DDA1: variants seen among roughly 807,000 people sequenced by gnomAD.
The protein encoded by DDA1 is DET1 and DDB1 associated 1.
A neutral mutation model predicts 18.6 loss-of-function variants in DDA1; 3 were observed. The ratio of observed to expected loss-of-function variants is 0.16; its 90% CI spans 0.07 to 0.42. DDA1 has a LOEUF of 0.42. Ranked by LOEUF, DDA1 falls within the 10% of genes least tolerant of loss-of-function variation. DDA1 has a pLI of 0.99. For synonymous variants in DDA1, 52 were observed against 54.0 expected, an observed-to-expected ratio of 0.96 and a Z score of 0.17; for missense variants, 105 against 138.2, an observed-to-expected ratio of 0.76 and a Z score of 1.20.
chr19:17,312,850 G>A (rs1001888098), intron 1 of DDA1, among the ~76,000 whole-genome samples: 12 of 152,280 alleles, frequency 7.9e-5, no homozygotes, highest in Non-Finnish European at 1.6e-4. Context: ...AGGGTGGGAG[G>A]GGAGGCAGGT....
intron 1 of DDA1, among the ~76,000 whole-genome samples, chr19:17,312,401 G>A (rs2145672240): frequency 6.6e-6 from 1 of 152,264 alleles, no homozygotes; most frequent in South Asian, 2.1e-4. Context: ...GGCCAGGGAG[G>A]GTGTTGGAGC....
intron 1 of DDA1, 46 bp from the exon 2 acceptor site, chr19:17,313,977 C>A: frequency 6.6e-7 from 1 of 1,514,704 alleles, no homozygotes; most frequent in Non-Finnish European, 9.2e-7. Flanking sequence ...CAGGGATGAG[C>A]TGGCCCTTGC....
intron 1 of DDA1, chr19:17,310,345 T>A (rs138039430): frequency 6.6e-6 from 1 of 152,252 alleles, no homozygotes; most frequent in Non-Finnish European, 1.5e-5. Flanking sequence ...AGTGACGTTC[T>A]CTTCTAGCTG....
At position 17,314,317 on chromosome 19, in the gene DDA1, C is replaced by G; in HGVS notation, c.85-21C>G. On this transcript the variant is annotated intron_variant, in intron 2 of 4. Transcript: ENST00000359866. The surrounding 1 kb of genome is among the most constrained non-coding windows in gnomAD (Gnocchi z 4.6). The stretch of plus-strand genomic sequence containing the variant: ...AGGCCCATGCACTCTCCTAACCCAC[C>G]CCTTCTCAACCCTCCTGCAGAACCG... 6.2e-7 allele frequency: 1 copy of G among 1,614,190 alleles called. No individual in the cohort carries two copies. The highest frequency in any genetic ancestry group is 1.1e-5 in the South Asian group (1 of 91,078).
chr19:17,319,118 G>A (rs1367999837), intron 4 of DDA1, among the ~76,000 whole-genome samples: 1 of 152,188 alleles, frequency 6.6e-6, no homozygotes, highest in Admixed American at 6.5e-5. Flanking sequence ...AACCAGCCCT[G>A]TGTGGGTCAT....
chr19:17,322,725 C>T lies in DDA1; in HGVS notation c.*3069C>T, dbSNP rs144096287. On this transcript the variant is annotated 3_prime_UTR_variant, in exon 5 of 5. Transcript: ENST00000359866. Reference sequence around the variant, plus strand: ...ATCCCTGCTGCATCCCAATGCCACCCCGTGTCCTGGGGACACCCAAATGTG... The same window carrying T: ...ATCCCTGCTGCATCCCAATGCCACCTCGTGTCCTGGGGACACCCAAATGTG... The T allele has an allele frequency of 5.5e-4, 84 of 152,368 alleles. No individual in the cohort carries two copies. Among genetic ancestry groups the T allele is most frequent in the African/African-American group, 1.8e-3 (75 of 41,576 alleles). 9.4% of individuals were successfully genotyped at this position (152,368 alleles called of 1,614,324 possible).
At position 17,315,172 on chromosome 19, in the gene DDA1, T is replaced by TACACACACGTGTATAC. The variant is rs1454586336; in HGVS notation, c.137-755_137-740dup. ...ACACGTATATATACACACGTGTATA[T>TACACACACGTGTATAC]ACACACACGTGTATACACACACGTG... On this transcript the variant is annotated intron_variant, in intron 3 of 4. Coordinates refer to ENST00000359866, the MANE Select transcript of DDA1 (RefSeq NM_024050.6). 5.7e-5 allele frequency among the ~76,000 whole-genome samples: 3 copies of TACACACACGTGTATAC among 52,902 alleles called. 1 individual carries two copies. Among genetic ancestry groups the TACACACACGTGTATAC allele is most frequent in the African/African-American group, 3.9e-4 (3 of 7,760 alleles). 34.7% of individuals were successfully genotyped at this position (52,902 alleles called of 152,430 possible).
intron 4 of DDA1, among the ~76,000 whole-genome samples, chr19:17,319,185 G>A (rs1177962626): frequency 6.6e-6 from 1 of 152,168 alleles, no homozygotes; most frequent in African/African-American, 2.4e-5. Context: ...CACCAGGCAT[G>A]GGTCCAGAAA....
rs1467313134 is a variant in DDA1 at position 17,321,223 on chromosome 19, C to G, written c.*1567C>G. On this transcript the variant is annotated 3_prime_UTR_variant, in exon 5 of 5. Coordinates refer to ENST00000359866, the MANE Select transcript of DDA1 (RefSeq NM_024050.6). ...CTCAGCTCACTACAACCTCTGCCTC[C>G]CAGGTTCAAGTGATTCTCCTACCTC... 6.6e-6 allele frequency: 1 copy of G among 151,988 alleles called. No homozygotes were observed. The highest frequency in any genetic ancestry group is 1.5e-5 in the Non-Finnish European group (1 of 68,044). 9.4% of individuals were successfully genotyped at this position (151,988 alleles called of 1,614,324 possible). A position where few individuals can be genotyped will look rare whatever the true frequency, so the allele number is the denominator to read the frequency against.
In DDA1 at chr19:17,314,010, C is replaced by T. The variant is rs760139987; in HGVS notation, c.4-13C>T. 7 of 1,612,548 alleles carry T rather than the reference C, an allele frequency of 4.3e-6. No individual in the cohort carries two copies. The Middle Eastern group carries it at 4.9e-4, about 114-fold the overall frequency. On this transcript the variant is annotated splice_polypyrimidine_tract_variant and intron_variant, in intron 1 of 4. Transcript: ENST00000359866. The surrounding 1 kb of genome is among the most constrained non-coding windows in gnomAD (Gnocchi z 4.6). ...TGCCTGTTTTCTCATGTACCATCTT[C>T]CATGTCTTCTAGGCAGATTTTTTGA... is the stretch of plus-strand genomic sequence containing the variant.
chr19:17,309,745 C>T, intron 1 of DDA1, 88 bp downstream of exon 1: 1 of 1,516,890 alleles, frequency 6.6e-7, no homozygotes, highest in Non-Finnish European at 8.9e-7. Flanking sequence ...CCCTAGGCCC[C>T]TCTCCGTTCT....
intron 4 of DDA1, 112 bp from the exon 5 acceptor site, chr19:17,319,434 C>A: frequency 1.3e-6 from 1 of 786,172 alleles, no homozygotes; most frequent in Non-Finnish European, 2.1e-6. Flanking sequence ...GTGGTATGTG[C>A]CTGTAGTCCT....
At chr19:17,315,122 TATATATACACAC>T (rs59715296) in intron 3 of DDA1, among the ~76,000 whole-genome samples, 5,608 of 84,506 alleles carry the variant, frequency 0.066, 1,405 homozygotes, top group Non-Finnish European at 0.084. Flanking sequence ...TACACACACG[TATATATACACAC>T]ATATATATAC....
At chr19:17,313,648 G>T (rs1449253860) in intron 1 of DDA1, among the ~76,000 whole-genome samples, 1 of 151,946 alleles carries the variant, frequency 6.6e-6, no homozygotes, top group Admixed American at 6.6e-5. Context: ...TTGCCATGTT[G>T]GCCAGGCTGG....
Position 17,314,319 on chromosome 19 carries a change from C to T in DDA1, c.85-19C>T, listed in dbSNP as rs774787293. On this transcript the variant is annotated intron_variant, in intron 2 of 4. Coordinates refer to ENST00000359866, the MANE Select transcript of DDA1 (RefSeq NM_024050.6). The surrounding 1 kb of genome is among the most constrained non-coding windows in gnomAD (Gnocchi z 4.6). ...GCCCATGCACTCTCCTAACCCACCC[C>T]TTCTCAACCCTCCTGCAGAACCGAC... 2 of 1,614,238 alleles carry T rather than the reference C, an allele frequency of 1.2e-6. No homozygotes were observed. The highest frequency in any genetic ancestry group is 8.5e-7 in the Non-Finnish European group (1 of 1,180,034).
intron 1 of DDA1, among the ~76,000 whole-genome samples, chr19:17,312,549 C>T (rs536139732): frequency 2.6e-5 from 4 of 152,212 alleles, no homozygotes; most frequent in African/African-American, 9.6e-5. Flanking sequence ...ACAGGGACCC[C>T]TCCTCACCCT....
At position 17,319,762 on chromosome 19, in the gene DDA1, TCCACA is replaced by T; in HGVS notation, c.*109_*113del. The stretch of plus-strand genomic sequence containing the variant: ...GCCCGCCCGCCTCCCTGCCGGCCCA[TCCACA>T]CCCTGCGTCCACACCACTTCCAACC... On this transcript the variant is annotated 3_prime_UTR_variant, in exon 5 of 5. Transcript: ENST00000359866. 2.2e-6 allele frequency: 2 copies of T among 913,468 alleles called. No homozygotes were observed. The highest frequency in any genetic ancestry group is 1.7e-6 in the Non-Finnish European group (1 of 600,110). The allele number at this position is 913,468 out of a possible 1,614,324, so 56.6% of individuals were successfully genotyped here. A position where few individuals can be genotyped will look rare whatever the true frequency, so the allele number is the denominator to read the frequency against.
chr19:17,315,352 ATATATATACG>A (rs1568354093), intron 3 of DDA1, among the ~76,000 whole-genome samples: 162 of 60,996 alleles, frequency 2.7e-3, no homozygotes, highest in South Asian at 9.1e-3. Context: ...TATACACGCT[ATATATATACG>A]CTATATATAT....
At chr19:17,318,121 C>T (rs2074222637) in intron 4 of DDA1, among the ~76,000 whole-genome samples, 2 of 149,600 alleles carry the variant, frequency 1.3e-5, no homozygotes, top group South Asian at 2.1e-4. Context: ...TCACTGTAAC[C>T]TCCTCCTCCC....
Sources: allele counts gnomAD v4.1 joint callset (sites outside exome capture counted in the v4.1 genomes callset), GRCh38; gene constraint gnomAD v4.1.1; non-coding constraint Gnocchi (gnomAD v3.1); transcripts MANE v1.5; gene names NCBI Gene and HGNC (gene_info 2026-07-23, HGNC 2026-07-21).